Variants in SCFD2 observed in about 807,000 individuals in gnomAD.
SCFD2 encodes the protein sec1 family domain-containing protein 2.
In SCFD2, 54 loss-of-function variants were observed where a neutral mutation model predicts 58.9. The observed-to-expected ratio is 0.92, with a 90% CI of 0.74 to 1.15. The LOEUF (loss-of-function observed/expected upper bound fraction) is 1.15, where lower values mean the gene tolerates loss of function less well. Ranked by LOEUF, SCFD2 falls within the 50% of genes most tolerant of loss-of-function variation. The pLI is 0.00. For synonymous variants in SCFD2, 321 were observed against 335.9 expected (o/e 0.96, Z 0.49); for missense variants, 805 against 836.6 (o/e 0.96, Z 0.47).
chr4:52,965,475 G>A (rs751068771), intron 5 of SCFD2, among the ~76,000 whole-genome samples: 6 of 152,278 alleles, frequency 3.9e-5, no homozygotes, highest in African/African-American at 7.2e-5. Flanking sequence ...GTGGTGTCCC[G>A]TAACTTCCTT....
intron 5 of SCFD2, among the ~76,000 whole-genome samples, chr4:53,083,702 G>A (rs886758284): frequency 6.6e-6 from 1 of 152,158 alleles, no homozygotes; most frequent in African/African-American, 2.4e-5. Flanking sequence ...ACAAAGAGAG[G>A]AATTTTACAG....
intron 3 of SCFD2, among the ~76,000 whole-genome samples, chr4:53,309,583 T>C (rs969136875): frequency 5.9e-5 from 9 of 151,984 alleles, no homozygotes; most frequent in African/African-American, 2.2e-4. Flanking sequence ...GGCAATGCAA[T>C]GGAATTATAA....
intron 5 of SCFD2, among the ~76,000 whole-genome samples, chr4:53,028,522 G>T (rs1322014033): frequency 1.3e-5 from 2 of 151,790 alleles, no homozygotes; most frequent in African/African-American, 4.8e-5. Context: ...TTATTTTTTC[G>T]GTGATTTCCT....
chr4:53,297,876 T>A (rs1732099399), intron 3 of SCFD2, among the ~76,000 whole-genome samples: 1 of 152,108 alleles, frequency 6.6e-6, no homozygotes, highest in Non-Finnish European at 1.5e-5. Context: ...TCAGCATTTG[T>A]TTGTCTGTAA....
chr4:53,330,246 G>A (rs1460887537), intron 2 of SCFD2, among the ~76,000 whole-genome samples: 13 of 151,878 alleles, frequency 8.6e-5, no homozygotes, highest in Admixed American at 3.3e-4. Context: ...TACAGAGAAC[G>A]CCACAAAGAT....
chr4:53,264,221 C>A (rs2149057785), intron 4 of SCFD2, among the ~76,000 whole-genome samples: 1 of 152,336 alleles, frequency 6.6e-6, no homozygotes, highest in East Asian at 1.9e-4. Flanking sequence ...CCCAGACCAC[C>A]AGCCTCTCCA....
intron 5 of SCFD2, among the ~76,000 whole-genome samples, chr4:53,061,347 C>T (rs1358329165): frequency 2.0e-5 from 3 of 152,120 alleles, no homozygotes; most frequent in Non-Finnish European, 4.4e-5. Flanking sequence ...AGGATGGTAT[C>T]GAAGCCCAGA....
At chr4:52,911,832 A>G (rs954404006) in intron 6 of SCFD2, among the ~76,000 whole-genome samples, 2 of 152,202 alleles carry the variant, frequency 1.3e-5, no homozygotes, top group African/African-American at 4.8e-5. Context: ...AGACTCTGAA[A>G]ACCACTTCTG....
At chr4:53,298,756 G>A (rs949286728) in intron 3 of SCFD2, among the ~76,000 whole-genome samples, 2 of 152,160 alleles carry the variant, frequency 1.3e-5, no homozygotes, top group African/African-American at 4.8e-5. Context: ...ACTTCCAGAG[G>A]AACGATCAGG....
intron 4 of SCFD2, among the ~76,000 whole-genome samples, chr4:53,150,646 T>C (rs1726477327): frequency 6.6e-6 from 1 of 152,204 alleles, no homozygotes; most frequent in African/African-American, 2.4e-5. Context: ...ATCCAGGCTG[T>C]ACCAATTACT....
chr4:53,321,323 A>T (rs1733015975), intron 2 of SCFD2, among the ~76,000 whole-genome samples: 1 of 152,088 alleles, frequency 6.6e-6, no homozygotes, highest in Non-Finnish European at 1.5e-5. Context: ...AACTAACAGG[A>T]AATATTCATC....
At chr4:53,341,935 T>A (rs1358132372) in intron 2 of SCFD2, among the ~76,000 whole-genome samples, 2 of 152,100 alleles carry the variant, frequency 1.3e-5, no homozygotes, top group East Asian at 1.9e-4. Context: ...CCAGGTCTGC[T>A]TTACAAGAGC....
intron 3 of SCFD2, among the ~76,000 whole-genome samples, chr4:53,302,472 C>A (rs1732346497): frequency 6.6e-6 from 1 of 152,150 alleles, no homozygotes; most frequent in African/African-American, 2.4e-5. Flanking sequence ...AATGGAAGAA[C>A]ATTCCATGCT....
At chr4:53,153,696 C>A (rs1293167396) in intron 4 of SCFD2, among the ~76,000 whole-genome samples, 1 of 152,190 alleles carries the variant, frequency 6.6e-6, no homozygotes, top group Non-Finnish European at 1.5e-5. Context: ...TGAAAATGCT[C>A]TTTCCATCTC....
At chr4:52,918,223 T>C (rs1719653200) in intron 6 of SCFD2, among the ~76,000 whole-genome samples, 1 of 152,230 alleles carries the variant, frequency 6.6e-6, no homozygotes, top group Admixed American at 6.5e-5. Flanking sequence ...CAAGGACTAT[T>C]TTTCTAAACC....
intron 5 of SCFD2, among the ~76,000 whole-genome samples, chr4:53,110,128 A>C (rs1725126832): frequency 6.6e-6 from 1 of 151,502 alleles, no homozygotes; most frequent in Admixed American, 6.6e-5. Flanking sequence ...TCTGACAAAA[A>C]CATGCAATGG....
At chr4:52,992,596 G>A (rs190146192) in intron 5 of SCFD2, among the ~76,000 whole-genome samples, 81 of 151,380 alleles carry the variant, frequency 5.4e-4, no homozygotes, top group Non-Finnish European at 1.0e-3. Context: ...GTCTCTGCCC[G>A]GCCGCCCATC....
intron 5 of SCFD2, among the ~76,000 whole-genome samples, chr4:53,076,491 T>C (rs750160472): frequency 7.2e-5 from 11 of 151,914 alleles, no homozygotes; most frequent in Non-Finnish European, 1.0e-4. Context: ...CTGGCTCTTG[T>C]CAGACTCATT....
intron 7 of SCFD2, among the ~76,000 whole-genome samples, chr4:52,887,138 T>A (rs1255219158): frequency 6.6e-6 from 1 of 152,138 alleles, no homozygotes; most frequent in Non-Finnish European, 1.5e-5. Context: ...TAAATGTTAG[T>A]GGAATTAATA....
Sources: allele counts gnomAD v4.1 joint callset (sites outside exome capture counted in the v4.1 genomes callset), GRCh38; gene constraint gnomAD v4.1.1; transcripts MANE v1.5; gene names NCBI Gene and HGNC (gene_info 2026-07-23, HGNC 2026-07-21).